The following ADRA1B variants were observed in gnomAD, a reference collection of about 807,000 sequenced individuals.
ADRA1B encodes alpha-1B adrenergic receptor.
In ADRA1B, 17 loss-of-function variants were observed where a neutral mutation model predicts 17.9. That is an observed-to-expected ratio of 0.95 (90% CI 0.65 to 1.42). The LOEUF (loss-of-function observed/expected upper bound fraction) is 1.42, where lower values mean the gene tolerates loss of function less well. Ranked by LOEUF, ADRA1B falls within the 40% of genes most tolerant of loss-of-function variation. The probability of loss-of-function intolerance (pLI) is 0.00; values close to 1 mark genes in which losing one functional copy is unlikely to be tolerated. For missense variants in ADRA1B, 681 were observed against 722.1 expected, an observed-to-expected ratio of 0.94 and a Z score of 0.65; for synonymous variants, 366 against 327.6, an observed-to-expected ratio of 1.12 and a Z score of -1.27.
intron 1 of ADRA1B, among the ~76,000 whole-genome samples, chr5:159,925,898 T>C (rs1467640750): frequency 6.6e-6 from 1 of 152,200 alleles, no homozygotes; most frequent in African/African-American, 2.4e-5. Context: ...GTGGGGGCAT[T>C]GCAGGGCCCC....
chr5:159,983,501 C>T, the ADRA1B span, among the ~76,000 whole-genome samples: 2 of 152,188 alleles, frequency 1.3e-5, no homozygotes, highest in African/African-American at 2.4e-5. Context: ...CCGCTCACCG[C>T]GTGCCATTGG....
At chr5:159,951,359 G>A (rs112370950) in intron 1 of ADRA1B, 32 of 1,075,396 alleles carry the variant, frequency 3.0e-5, no homozygotes, top group African/African-American at 1.1e-4. Context: ...AATCATACTC[G>A]AACATGTAAA....
intron 1 of ADRA1B, among the ~76,000 whole-genome samples, chr5:159,906,999 G>T (rs1380546832): frequency 6.6e-6 from 1 of 152,138 alleles, no homozygotes; most frequent in Non-Finnish European, 1.5e-5. Context: ...TGCCTTCCCT[G>T]CCCTTCTAGG....
intron 1 of ADRA1B, among the ~76,000 whole-genome samples, chr5:159,966,957 A>T (rs981692725): frequency 5.3e-5 from 8 of 152,192 alleles, no homozygotes; most frequent in African/African-American, 1.9e-4. Context: ...GTGAAATAGC[A>T]CCACGTACTT....
chr5:159,934,329 A>G (rs1754890430), intron 1 of ADRA1B, among the ~76,000 whole-genome samples: 6 of 152,216 alleles, frequency 3.9e-5, no homozygotes, highest in Admixed American at 3.9e-4. Flanking sequence ...GCACTAAGCC[A>G]GAAGCCTGGG....
At chr5:159,949,240 C>G (rs1046931365) in intron 1 of ADRA1B, among the ~76,000 whole-genome samples, 2 of 152,186 alleles carry the variant, frequency 1.3e-5, no homozygotes, top group Non-Finnish European at 2.9e-5. Flanking sequence ...ACATGGGGTA[C>G]TACTCAATTT....
At chr5:159,960,785 G>A (rs950957391) in intron 1 of ADRA1B, among the ~76,000 whole-genome samples, 4 of 151,126 alleles carry the variant, frequency 2.6e-5, no homozygotes, top group African/African-American at 9.7e-5. Flanking sequence ...CTCAGGTGCT[G>A]CTTATCCATG....
chr5:159,957,945 A>G (rs1400107544), intron 1 of ADRA1B, among the ~76,000 whole-genome samples: 7 of 149,920 alleles, frequency 4.7e-5, no homozygotes, highest in African/African-American at 1.5e-4. Flanking sequence ...AAAAAAAAAA[A>G]AAAAAAAGAA....
intron 1 of ADRA1B, chr5:159,867,905 G>T (rs1019486230): frequency 2.0e-5 from 3 of 152,110 alleles, no homozygotes; most frequent in Non-Finnish European, 4.4e-5. Context: ...CACAAGTGTG[G>T]TCTCACGTGT....
chr5:159,927,366 TA>T (rs1317720522), intron 1 of ADRA1B, among the ~76,000 whole-genome samples: 2 of 115,108 alleles, frequency 1.7e-5, no homozygotes, highest in South Asian at 2.7e-4. Context: ...ATAATAAAAT[TA>T]TAAATTAAAA....
intron 1 of ADRA1B, among the ~76,000 whole-genome samples, chr5:159,945,771 G>A (rs569614705): frequency 6.1e-5 from 9 of 147,908 alleles, no homozygotes; most frequent in Middle Eastern, 7.0e-3. Flanking sequence ...TTTTTGAGAC[G>A]GAGTCTTGCT....
upstream of ADRA1B, among the ~76,000 whole-genome samples, chr5:159,914,389 G>C (rs10038008): frequency 3.2e-4 from 48 of 152,188 alleles, no homozygotes; most frequent in African/African-American, 1.1e-3. Flanking sequence ...ATCTTGCCAA[G>C]TCTCTTTCCC....
intron 1 of ADRA1B, among the ~76,000 whole-genome samples, chr5:159,896,158 A>C (rs1754038402): frequency 6.6e-6 from 1 of 152,246 alleles, no homozygotes; most frequent in African/African-American, 2.4e-5. Context: ...AATAAATGAC[A>C]GTCCTGTTAC....
intron 1 of ADRA1B, among the ~76,000 whole-genome samples, chr5:159,920,163 AG>A (rs1278186710): frequency 1.1e-4 from 17 of 152,206 alleles, no homozygotes; most frequent in Non-Finnish European, 1.8e-4. Context: ...GTGATTCTGA[AG>A]AGGTAGTCCA....
chr5:159,985,421 C>T, the ADRA1B span, among the ~76,000 whole-genome samples: 1 of 152,204 alleles, frequency 6.6e-6, no homozygotes, highest in African/African-American at 2.4e-5. Context: ...AACTGGCACA[C>T]AGCAGGCACT....
In ADRA1B at chr5:159,901,413, G is replaced by A. The variant is rs1003256993; in HGVS notation, c.-255-14706G>A. ...GGAGGAGGAGGAGGAGGAAGGGGAG[G>A]AGAAGGGGGAGGGAGAGGGGGAGGG... is the stretch of plus-strand genomic sequence containing the variant. On this transcript the variant is annotated intron_variant, in intron 1 of 2. Transcript: ENST00000641205. Among the ~76,000 whole-genome samples, 8 of 110,282 alleles carry A rather than the reference G, an allele frequency of 7.3e-5. No homozygotes were observed. The South Asian group carries it at 2.5e-3, about 35-fold the overall frequency. 72.3% of individuals were successfully genotyped at this position (110,282 alleles called of 152,430 possible). A position where few individuals can be genotyped will look rare whatever the true frequency, so the allele number is the denominator to read the frequency against.
chr5:159,973,197 G>A (rs146523331), downstream of ADRA1B, among the ~76,000 whole-genome samples: 517 of 152,326 alleles, frequency 3.4e-3, 6 homozygotes, highest in Middle Eastern at 0.017. Context: ...GCTCCCCTAG[G>A]TCCCATTTAC....
chr5:159,962,582 T>A (rs1471806413), intron 1 of ADRA1B, among the ~76,000 whole-genome samples: 3 of 151,974 alleles, frequency 2.0e-5, no homozygotes. Flanking sequence ...GGAGCTGTTG[T>A]CAGGATTAAA....
intron 1 of ADRA1B, chr5:159,947,962 T>C (rs1755322687): frequency 1.0e-6 from 1 of 985,356 alleles, no homozygotes; most frequent in African/African-American, 1.7e-5. Context: ...CTGGATTCTT[T>C]GGCTTTGCGT....
Sources: allele counts gnomAD v4.1 joint callset (sites outside exome capture counted in the v4.1 genomes callset), GRCh38; gene constraint gnomAD v4.1.1; transcripts MANE v1.5; gene names NCBI Gene and HGNC (gene_info 2026-07-23, HGNC 2026-07-21).